The following NR6A1 variants were observed in gnomAD, a reference collection of about 807,000 sequenced individuals.
The protein encoded by NR6A1 is retinoic acid receptor-related testis-associated receptor.
A neutral mutation model predicts 59.1 loss-of-function variants in NR6A1; 7 were observed. That is an observed-to-expected ratio of 0.12 (90% CI 0.07 to 0.22). The LOEUF (loss-of-function observed/expected upper bound fraction) is 0.22, where lower values mean the gene tolerates loss of function less well. NR6A1 is among the 10% of genes least tolerant of loss of function. The pLI, the probability that NR6A1 is intolerant of heterozygous loss-of-function variation, is 1.00. For synonymous variants in NR6A1, 243 were observed against 236.1 expected (o/e 1.03, Z -0.27); for missense variants, 468 against 611.6 (o/e 0.77, Z 2.48).
At chr9:124,719,429 C>A (rs951958303) in intron 2 of NR6A1, among the ~76,000 whole-genome samples, 2 of 152,106 alleles carry the variant, frequency 1.3e-5, no homozygotes, top group Non-Finnish European at 2.9e-5. Flanking sequence ...GAAAAATTAA[C>A]CTGCACATTA....
At chr9:124,746,191 C>A (rs192544135) in intron 1 of NR6A1, among the ~76,000 whole-genome samples, 1 of 152,154 alleles carries the variant, frequency 6.6e-6, no homozygotes, top group African/African-American at 2.4e-5. Context: ...CTATCTCCCA[C>A]GTCCCAGCTT....
chr9:124,570,757 T>C (rs974504558), intron 2 of NR6A1, among the ~76,000 whole-genome samples: 6 of 151,898 alleles, frequency 4.0e-5, no homozygotes, highest in African/African-American at 1.5e-4. Flanking sequence ...AGGGAAACAG[T>C]TGCTTGAATC....
intron 2 of NR6A1, among the ~76,000 whole-genome samples, chr9:124,715,214 A>G (rs1839382071): frequency 6.6e-6 from 1 of 151,878 alleles, no homozygotes; most frequent in Non-Finnish European, 1.5e-5. Context: ...AAAAAAAAAA[A>G]AAGAAGACTC....
At chr9:124,610,787 CG>C (rs1835716703) in intron 2 of NR6A1, among the ~76,000 whole-genome samples, 1 of 152,098 alleles carries the variant, frequency 6.6e-6, no homozygotes, top group African/African-American at 2.4e-5. Flanking sequence ...AACTCATTAT[CG>C]GTCTATTCAG....
intron 2 of NR6A1, among the ~76,000 whole-genome samples, chr9:124,674,067 T>C (rs1231434056): frequency 6.6e-6 from 1 of 152,148 alleles, no homozygotes; most frequent in African/African-American, 2.4e-5. Flanking sequence ...AAAATGAGAA[T>C]AATCATCCAC....
intron 2 of NR6A1, among the ~76,000 whole-genome samples, chr9:124,582,628 T>C (rs1834807665): frequency 6.6e-6 from 1 of 151,640 alleles, no homozygotes; most frequent in African/African-American, 2.4e-5. Flanking sequence ...GGCCCATGCC[T>C]GTAATCCTAG....
intron 3 of NR6A1, among the ~76,000 whole-genome samples, chr9:124,552,440 TAGAA>T (rs1192516140): frequency 1.3e-5 from 2 of 152,134 alleles, no homozygotes; most frequent in Admixed American, 6.5e-5. Context: ...AGAAATGAGT[TAGAA>T]AGACAGGCAG....
At chr9:124,759,970 G>T (rs936646397) in intron 1 of NR6A1, among the ~76,000 whole-genome samples, 4 of 151,240 alleles carry the variant, frequency 2.6e-5, no homozygotes, top group African/African-American at 9.7e-5. Flanking sequence ...AACCCAGGAG[G>T]TAGAGGTTGC....
rs1832799893 is a variant in NR6A1, at chr9:124,521,450, T to C, written c.*1255A>G. On this transcript the variant is annotated 3_prime_UTR_variant, in exon 10 of 10. Coordinates refer to ENST00000487099, the MANE Select transcript of NR6A1 (RefSeq NM_033334.4). ...AGGGGCAGCTGAGCCACTCTGGGCCTTGGGCTTTGTGTCCTGGGTCCCTGA... is the reference window on the plus strand; with the variant it reads ...AGGGGCAGCTGAGCCACTCTGGGCCCTGGGCTTTGTGTCCTGGGTCCCTGA... The C allele has an allele frequency of 1.3e-5, 2 of 152,346 alleles. No individual in the cohort carries two copies. The highest frequency in any genetic ancestry group is 4.8e-5 in the African/African-American group (2 of 41,470). The allele number at this position is 152,346 out of a possible 1,614,324, so 9.4% of individuals were successfully genotyped here.
chr9:124,592,924 T>C (rs1459513184), intron 2 of NR6A1, among the ~76,000 whole-genome samples: 2 of 152,170 alleles, frequency 1.3e-5, no homozygotes, highest in African/African-American at 2.4e-5. Context: ...AAGTACCTAA[T>C]GAATTAATGC....
intron 2 of NR6A1, among the ~76,000 whole-genome samples, chr9:124,635,131 T>C (rs926841080): frequency 1.3e-5 from 2 of 152,198 alleles, no homozygotes; most frequent in Non-Finnish European, 2.9e-5. Flanking sequence ...ATAGCTTTAC[T>C]GTCCTAAAAA....
rs995893102 is a variant in NR6A1 at position 124,530,566 on chromosome 9, C to T, written c.1080-3666G>A. Among the ~76,000 whole-genome samples, 12 of 152,292 alleles carry T rather than the reference C, an allele frequency of 7.9e-5. No individual in the cohort carries two copies. The East Asian group carries it at 2.3e-3, about 29-fold the overall frequency. ...TGCTGGGACAAGGAAAACATTCCTG[C>T]CAGGATCCCCCAAACCACTGGACCA... On this transcript the variant is annotated intron_variant, in intron 7 of 9. Transcript: ENST00000487099.
Position 124,771,277 on chromosome 9 carries a change from C to T in NR6A1, c.-158G>A, listed in dbSNP as rs1841160552. 2.6e-6 allele frequency: 1 copy of T among 391,802 alleles called. No homozygotes were observed. The highest frequency in any genetic ancestry group is 3.7e-5 in the East Asian group (1 of 27,200). 24.3% of individuals were successfully genotyped at this position (391,802 alleles called of 1,614,324 possible). A position where few individuals can be genotyped will look rare whatever the true frequency, so the allele number is the denominator to read the frequency against. On this transcript the variant is annotated 5_prime_UTR_variant, in exon 1 of 10. Transcript: ENST00000487099. ...CCCCGAGCCGCCCGGCTCCGCGCCG[C>T]TCCGCGCCCCTCCGCGCCGCGCCCC...
At chr9:124,704,622 T>C (rs1839069176) in intron 2 of NR6A1, among the ~76,000 whole-genome samples, 1 of 152,230 alleles carries the variant, frequency 6.6e-6, no homozygotes, top group African/African-American at 2.4e-5. Flanking sequence ...GTTAGTGCTT[T>C]AAGCCTCTCC....
intron 2 of NR6A1, among the ~76,000 whole-genome samples, chr9:124,634,904 A>G (rs1190519680): frequency 6.6e-6 from 1 of 152,070 alleles, no homozygotes; most frequent in African/African-American, 2.4e-5. Flanking sequence ...GATTTCCCAT[A>G]TTCCCCACCC....
chr9:124,610,014 T>C (rs1288020391), intron 2 of NR6A1, among the ~76,000 whole-genome samples: 1 of 152,122 alleles, frequency 6.6e-6, no homozygotes, highest in Non-Finnish European at 1.5e-5. Flanking sequence ...TGGGCAGAAA[T>C]GATGGGTTTT....
At chr9:124,738,146 C>T (rs1840066480) in intron 1 of NR6A1, among the ~76,000 whole-genome samples, 1 of 151,774 alleles carries the variant, frequency 6.6e-6, no homozygotes, top group African/African-American at 2.4e-5. Flanking sequence ...CACAGCTACT[C>T]AGGAGGCTGA....
chr9:124,749,184 C>T (rs765299230), intron 1 of NR6A1, among the ~76,000 whole-genome samples: 6 of 151,798 alleles, frequency 4.0e-5, no homozygotes, highest in Non-Finnish European at 7.4e-5. Flanking sequence ...ATCACTTGAA[C>T]CCGAGAGGCG....
intron 2 of NR6A1, among the ~76,000 whole-genome samples, chr9:124,712,607 CAA>C (rs5900623): frequency 8.1e-4 from 115 of 141,400 alleles, no homozygotes; most frequent in Admixed American, 1.1e-3. Flanking sequence ...GACCCTGTCT[CAA>C]AAAAAAAAAA....
Sources: gnomAD v4.1 joint callset for allele counts (sites outside exome capture counted in the v4.1 genomes callset) on GRCh38, gnomAD v4.1.1 for gene constraint, MANE v1.5 for transcripts, NCBI Gene and HGNC (gene_info 2026-07-23, HGNC 2026-07-21) for gene names.